Variants in TNRC18 observed in about 807,000 individuals in gnomAD.
TNRC18 encodes the protein trinucleotide repeat containing 18.
Under a neutral mutation model 226.7 loss-of-function variants are expected in TNRC18, and 69 were observed. The ratio of observed to expected loss-of-function variants is 0.30; its 90% CI spans 0.25 to 0.37. The LOEUF is 0.37. Among genes scored for constraint, TNRC18 ranks in the 10% least tolerant of loss-of-function variants. TNRC18 has a pLI of 1.00. For synonymous variants in TNRC18, 2,449 were observed against 1,927.6 expected (o/e 1.27, Z -7.09); for missense variants, 4,754 against 4,256.6 (o/e 1.12, Z -3.25).
At chr7:5,340,111 T>C (rs75823713) in intron 18 of TNRC18, among the ~76,000 whole-genome samples, 3,344 of 152,292 alleles carry the variant, frequency 0.022, 99 homozygotes, top group Admixed American at 0.077. Flanking sequence ...TGAGGAAGGC[T>C]TAAGCCAGTC....
Position 5,307,484 on chromosome 7 carries a change from C to G in TNRC18, c.*622G>C, listed in dbSNP as rs535477006. ...GGTTTGGACCAGGGTGGGCCTGTGC[C>G]GGGCCCTCTCCACCTGGTGCCTTTG... On this transcript the variant is annotated 3_prime_UTR_variant, in exon 30 of 30. Transcript: ENST00000430969. 2 of 442,328 alleles carry G rather than the reference C, an allele frequency of 4.5e-6. No homozygotes were observed. Among genetic ancestry groups the G allele is most frequent in the African/African-American group, 4.0e-5 (2 of 49,556 alleles). 27.4% of individuals were successfully genotyped at this position (442,328 alleles called of 1,614,324 possible).
At chr7:5,315,409 T>A (rs1356580877) in intron 25 of TNRC18, among the ~76,000 whole-genome samples, 1 of 129,458 alleles carries the variant, frequency 7.7e-6, no homozygotes, top group African/African-American at 2.9e-5. Flanking sequence ...ATGCTGACTT[T>A]TGTTGGGTTT....
chr7:5,366,223 C>G (rs1017219028), intron 11 of TNRC18, among the ~76,000 whole-genome samples: 2 of 151,772 alleles, frequency 1.3e-5, no homozygotes, highest in African/African-American at 2.4e-5. Context: ...GTAGTGCTCC[C>G]CCCAAGCTGT....
At chr7:5,350,756 A>C (rs2128145160) in intron 17 of TNRC18, among the ~76,000 whole-genome samples, 1 of 152,306 alleles carries the variant, frequency 6.6e-6, no homozygotes, top group Admixed American at 6.5e-5. Context: ...GCGGGTTCTC[A>C]GGGGCCTGGC....
At chr7:5,356,746 C>A (rs1792440967) in intron 16 of TNRC18, among the ~76,000 whole-genome samples, 170 bp downstream of exon 16, 1 of 152,168 alleles carries the variant, frequency 6.6e-6, no homozygotes, top group South Asian at 2.1e-4. Context: ...CCTCCCCCCC[C>A]ACTTCCGGCT....
chr7:5,375,892 T>C, intron 9 of TNRC18, 142 bp downstream of exon 9: 3 of 819,322 alleles, frequency 3.7e-6, no homozygotes, highest in Non-Finnish European at 5.6e-6. Context: ...TGCTGCCTCC[T>C]CCAGAAGCCC....
In TNRC18 at chr7:5,421,099, C is replaced by G; in HGVS notation, c.148G>C (p.Gly50Arg). The part of the protein sequence containing the change: ...ASGLPGPLPP[G>R]KYMAGLNLHP... The stretch of plus-strand genomic sequence containing the variant: ...AGATTCAGGCCGGCCATGTACTTCC[C>G]GGGCGGCAGCGGGCCGGGCAAGCCC... Residue 50 changes from glycine to arginine, a missense_variant, in exon 2 of 30, where the codon GGG becomes CGG. Transcript: ENST00000430969. The G allele has an allele frequency of 6.8e-7, 1 of 1,474,526 alleles. No individual in the cohort carries two copies. Among genetic ancestry groups the G allele is most frequent in the South Asian group, 1.3e-5 (1 of 74,440 alleles). 91.3% of individuals were successfully genotyped at this position (1,474,526 alleles called of 1,614,324 possible).
chr7:5,383,339 G>A (rs1305915961), intron 5 of TNRC18, among the ~76,000 whole-genome samples: 7 of 152,118 alleles, frequency 4.6e-5, no homozygotes, highest in Non-Finnish European at 1.0e-4. Context: ...TCCTATGTGA[G>A]AACAGGAAGA....
intron 19 of TNRC18, among the ~76,000 whole-genome samples, chr7:5,330,365 G>C (rs1042994917): frequency 1.3e-5 from 2 of 151,316 alleles, no homozygotes; most frequent in Non-Finnish European, 2.9e-5. Context: ...GAGTAGGTGG[G>C]ACTATAGGCA....
At position 5,324,216 on chromosome 7, in the gene TNRC18, G is replaced by T. The variant is rs774348177; in HGVS notation, c.6440C>A (p.Pro2147Gln). Residue 2147 changes from proline to glutamine, a missense_variant and splice_region_variant, in exon 21 of 30, where the codon CCG becomes CAG. By Grantham distance (76) the Pro-to-Gln change is moderately conservative. Coordinates refer to ENST00000430969, the MANE Select transcript of TNRC18 (RefSeq NM_001080495.3). This position sits in a 1 kb window ranked among gnomAD's most constrained non-coding sequence, Gnocchi z 4.8. The part of the protein sequence containing the change: ...RGGAVERPLT[P>Q]APRSCIIDKD... Reference sequence around the variant, plus strand: ...CATGTGGCATCACGGCCACTCACCCGGGGTCAGCGGCCGCTCCACAGCCCC... The same window carrying T: ...CATGTGGCATCACGGCCACTCACCCTGGGTCAGCGGCCGCTCCACAGCCCC... 1 of 1,602,282 alleles carries T rather than the reference G, an allele frequency of 6.2e-7. No homozygotes were observed. The highest frequency in any genetic ancestry group is 1.1e-5 in the South Asian group (1 of 90,142).
intron 14 of TNRC18, among the ~76,000 whole-genome samples, chr7:5,361,314 T>G (rs756973934): frequency 3.4e-4 from 52 of 152,226 alleles, no homozygotes; most frequent in Admixed American, 1.8e-3. Flanking sequence ...AATTAGGCCC[T>G]AGGCGTGAGG....
chr7:5,330,554 T>A (rs1789419300), intron 19 of TNRC18, among the ~76,000 whole-genome samples: 1 of 152,036 alleles, frequency 6.6e-6, no homozygotes, highest in African/African-American at 2.4e-5. Flanking sequence ...CCTGTCCATA[T>A]GTGAGCCACC....
intron 3 of TNRC18, among the ~76,000 whole-genome samples, chr7:5,392,666 C>G (rs1313076381): frequency 6.6e-6 from 1 of 151,902 alleles, no homozygotes; most frequent in Non-Finnish European, 1.5e-5. Flanking sequence ...AAACAGCTCT[C>G]CCACACAGGC....
intron 2 of TNRC18, among the ~76,000 whole-genome samples, chr7:5,408,323 G>A (rs1457859542): frequency 1.4e-5 from 2 of 147,780 alleles, no homozygotes; most frequent in African/African-American, 5.0e-5. Flanking sequence ...AAAATGGAAC[G>A]AAAGCAAAAT....
At chr7:5,355,942 A>C (rs998454621) in intron 16 of TNRC18, among the ~76,000 whole-genome samples, 1 of 152,126 alleles carries the variant, frequency 6.6e-6, no homozygotes, top group Non-Finnish European at 1.5e-5. Context: ...AGGCAGGTGG[A>C]TCACCTGAGG....
intron 24 of TNRC18, among the ~76,000 whole-genome samples, chr7:5,316,361 C>A (rs1292099088): frequency 6.9e-6 from 1 of 145,826 alleles, no homozygotes; most frequent in Non-Finnish European, 1.5e-5. Flanking sequence ...CTCGCCGCAA[C>A]CTCCGCCTCC....
In TNRC18 at chr7:5,378,017, G is replaced by A; in HGVS notation, c.2160C>T (p.Gly720=). The stretch of plus-strand genomic sequence containing the variant: ...CGTCCACACAGTCCTCATCTGCTCG[G>A]CCGTGCCCTGCAGGGGGCCAGGTGG... The part of the protein sequence containing the change: ...SLSLSNVKGH[G]RADEDCVDDR... Residue 720 remains glycine, a synonymous_variant, in exon 6 of 30, where the codon GGC becomes GGT. Coordinates refer to ENST00000430969, the MANE Select transcript of TNRC18 (RefSeq NM_001080495.3). 6.2e-7 allele frequency: 1 copy of A among 1,609,980 alleles called. No individual in the cohort carries two copies. The highest frequency in any genetic ancestry group is 8.5e-7 in the Non-Finnish European group (1 of 1,179,510).
In TNRC18 at chr7:5,332,811, G is replaced by C. The variant is rs1333496009; in HGVS notation, c.5958C>G (p.Pro1986=). ...GPKEPGFEAG[P]EASDDDLWTR... ...TCCACAGGTCGTCGTCGCTGGCCTC[G>C]GGCCCCGCCTCGAAGCCAGGCTCCT... The change falls in exon 19 of 30, where the codon CCC becomes CCG. Residue 1986 remains proline, a synonymous_variant. Transcript: ENST00000430969. 1.3e-5 allele frequency: 20 copies of C among 1,508,678 alleles called. No individual in the cohort carries two copies. Among genetic ancestry groups the C allele is most frequent in the East Asian group, 2.6e-5 (1 of 38,752 alleles). 93.5% of individuals were successfully genotyped at this position (1,508,678 alleles called of 1,614,324 possible).
At position 5,388,035 on chromosome 7, in the gene TNRC18, G is replaced by A; in HGVS notation, c.1789C>T (p.Arg597Trp). 1 of 1,563,838 alleles carries A rather than the reference G, an allele frequency of 6.4e-7. No homozygotes were observed. The highest frequency in any genetic ancestry group is 8.7e-7 in the Non-Finnish European group (1 of 1,155,122). ...CCAGGGCGCACGGCCACGGCGTCCC[G>A]GGCAAAGCTGCCACTGTACTTTATA... ...SLIKYSGSFA[R>W]DAVAVRPGGC... The change falls in exon 5 of 30, where the codon CGG becomes TGG. Residue 597 changes from arginine (R) to tryptophan (W), a missense_variant. By Grantham distance (101) the Arg-to-Trp change is moderately radical. Transcript: ENST00000430969.
Sources: allele counts gnomAD v4.1 joint callset (sites outside exome capture counted in the v4.1 genomes callset), GRCh38; gene constraint gnomAD v4.1.1; non-coding constraint Gnocchi (gnomAD v3.1); transcripts MANE v1.5; gene names NCBI Gene and HGNC (gene_info 2026-07-23, HGNC 2026-07-21).